Variants in SEMA6D observed in about 807,000 individuals in gnomAD.
The protein encoded by SEMA6D is semaphorin 6D.
In SEMA6D, 35 loss-of-function variants were observed where a neutral mutation model predicts 106.6. The ratio of observed to expected loss-of-function variants is 0.33; its 90% CI spans 0.25 to 0.44. The LOEUF (loss-of-function observed/expected upper bound fraction) is 0.44, where lower values mean the gene tolerates loss of function less well. Ranked by LOEUF, SEMA6D falls within the 20% of genes least tolerant of loss-of-function variation. The pLI, the probability that SEMA6D is intolerant of heterozygous loss-of-function variation, is 1.00. For synonymous variants in SEMA6D, 499 were observed against 487.7 expected, an observed-to-expected ratio of 1.02 and a Z score of -0.31; for missense variants, 1,185 against 1,345.9, an observed-to-expected ratio of 0.88 and a Z score of 1.87.
At chr15:47,381,448 A>T (rs907743796) in intron 1 of SEMA6D, among the ~76,000 whole-genome samples, 1 of 152,198 alleles carries the variant, frequency 6.6e-6, no homozygotes, top group African/African-American at 2.4e-5. Context: ...CGCCTATAGC[A>T]TAGTTCCTGA....
intron 4 of SEMA6D, among the ~76,000 whole-genome samples, chr15:47,670,671 T>A (rs2078119548): frequency 1.3e-5 from 2 of 152,216 alleles, no homozygotes; most frequent in African/African-American, 4.8e-5. Context: ...GAATTTCCAG[T>A]GCCTTTTCCC....
intron 1 of SEMA6D, among the ~76,000 whole-genome samples, chr15:47,238,835 A>G (rs757398761): frequency 6.6e-6 from 1 of 152,156 alleles, no homozygotes; most frequent in Non-Finnish European, 1.5e-5. Context: ...ATTTCAAGCA[A>G]CAGGGAAGGT....
intron 1 of SEMA6D, among the ~76,000 whole-genome samples, chr15:47,302,670 T>G (rs959365477): frequency 6.6e-6 from 1 of 151,960 alleles, no homozygotes; most frequent in Non-Finnish European, 1.5e-5. Context: ...GCTAGAGAGA[T>G]ACAGTAGGAG....
At chr15:47,479,978 A>G (rs1472013415) in intron 3 of SEMA6D, among the ~76,000 whole-genome samples, 1 of 145,830 alleles carries the variant, frequency 6.9e-6, no homozygotes, top group Non-Finnish European at 1.5e-5. Flanking sequence ...CAATCCTCCC[A>G]CCTCAGCCTT....
At chr15:47,702,526 C>T (rs2078832668) in intron 4 of SEMA6D, among the ~76,000 whole-genome samples, 1 of 152,194 alleles carries the variant, frequency 6.6e-6, no homozygotes, top group East Asian at 1.9e-4. Context: ...AGTATTTACC[C>T]AGAGGAGCTG....
At chr15:47,761,122 G>T (rs772461994) in intron 4 of SEMA6D, 36 bp from the exon 5 acceptor site, 6 of 1,612,856 alleles carry the variant, frequency 3.7e-6, no homozygotes, top group Non-Finnish European at 8.5e-7. Flanking sequence ...AATGTTCGCA[G>T]TTAAAAACTG....
intron 1 of SEMA6D, among the ~76,000 whole-genome samples, chr15:47,374,197 A>T (rs1404014554): frequency 6.6e-6 from 1 of 152,224 alleles, no homozygotes. Context: ...AAGAGTATTA[A>T]GCTAAGGAAC....
chr15:47,291,320 C>G (rs2035583661), intron 1 of SEMA6D, among the ~76,000 whole-genome samples: 1 of 152,134 alleles, frequency 6.6e-6, no homozygotes, highest in Admixed American at 6.5e-5. Context: ...TTGGCTGATG[C>G]CTGAGGTTGT....
rs535448358 is a variant in SEMA6D at position 47,470,168 on chromosome 15, A to G, written c.-158-306A>G. Among the ~76,000 whole-genome samples, 5 of 152,308 alleles carry G rather than the reference A, an allele frequency of 3.3e-5. No individual in the cohort carries two copies. In the East Asian group the frequency reaches 9.7e-4, roughly 29 times the overall value. On this transcript the variant is annotated intron_variant, in intron 2 of 19. Coordinates refer to the SEMA6D transcript ENST00000558014. ...AATTGTAATTATTGGAAAGGAAATA[A>G]CTTTGCTACGGTGTGCCTTGGTGTT...
chr15:47,456,694 A>G (rs1269420465), intron 2 of SEMA6D, among the ~76,000 whole-genome samples: 1 of 152,034 alleles, frequency 6.6e-6, no homozygotes, highest in Non-Finnish European at 1.5e-5. Context: ...GCAAATAGTA[A>G]TATCTGATAG....
chr15:47,201,687 C>G (rs1894736107), intron 1 of SEMA6D, among the ~76,000 whole-genome samples: 1 of 152,056 alleles, frequency 6.6e-6, no homozygotes, highest in Non-Finnish European at 1.5e-5. Context: ...TTAACCATAC[C>G]TTTTACTTAA....
chr15:47,329,072 T>C (rs1388551045), intron 1 of SEMA6D, among the ~76,000 whole-genome samples: 1 of 152,212 alleles, frequency 6.6e-6, no homozygotes, highest in Non-Finnish European at 1.5e-5. Context: ...GTTTGAGAAC[T>C]TAAAATGTGC....
At chr15:47,430,786 A>G (rs1353981328) in intron 2 of SEMA6D, among the ~76,000 whole-genome samples, 1 of 152,058 alleles carries the variant, frequency 6.6e-6, no homozygotes, top group African/African-American at 2.4e-5. Context: ...GTCAAATGCT[A>G]CCACCCCTCC....
intron 1 of SEMA6D, among the ~76,000 whole-genome samples, chr15:47,326,599 G>C (rs552669275): frequency 6.6e-6 from 1 of 152,152 alleles, no homozygotes; most frequent in African/African-American, 2.4e-5. Context: ...CAATGTTGCC[G>C]TGCGAACCTT....
intron 4 of SEMA6D, among the ~76,000 whole-genome samples, chr15:47,624,685 C>G (rs762925009): frequency 6.6e-6 from 1 of 152,060 alleles, no homozygotes; most frequent in Non-Finnish European, 1.5e-5. Flanking sequence ...GATAACTAAC[C>G]ATGAGATAAA....
chr15:47,768,691 G>GT lies in SEMA6D; in HGVS notation c.1878dup (p.Gln627SerfsTer3). ...ACTGACAAGCTCTCGGAAATTTGTAGTTCAAGATGATCCAAACACTTCTGA... is the reference window on the plus strand; with the variant it reads ...ACTGACAAGCTCTCGGAAATTTGTAGTTTCAAGATGATCCAAACACTTCTGA... On this transcript the variant is annotated frameshift_variant, in exon 18 of 19. Transcript: ENST00000536845. LOFTEE classifies it high-confidence loss of function. The GT allele has an allele frequency of 6.2e-7, 1 of 1,613,686 alleles. No homozygotes were observed. Among genetic ancestry groups the GT allele is most frequent in the Non-Finnish European group, 8.5e-7 (1 of 1,179,680 alleles).
At chr15:47,254,943 A>G (rs191149091) in intron 1 of SEMA6D, among the ~76,000 whole-genome samples, 33 of 138,524 alleles carry the variant, frequency 2.4e-4, no homozygotes, top group Non-Finnish European at 4.3e-4. Flanking sequence ...TACCAGTGTA[A>G]TGCTAGCCTT....
intron 1 of SEMA6D, among the ~76,000 whole-genome samples, chr15:47,379,666 A>G (rs1429753911): frequency 6.6e-6 from 1 of 152,240 alleles, no homozygotes; most frequent in Non-Finnish European, 1.5e-5. Context: ...AACATTGGAG[A>G]GGAATTTTTA....
chr15:47,749,528 C>G (rs1030429615), intron 1 of SEMA6D, among the ~76,000 whole-genome samples: 4 of 152,112 alleles, frequency 2.6e-5, no homozygotes, highest in Non-Finnish European at 4.4e-5. Context: ...GTAACATGCC[C>G]AAAGTCACAT....
Sources: allele counts gnomAD v4.1 joint callset (sites outside exome capture counted in the v4.1 genomes callset), GRCh38; gene constraint gnomAD v4.1.1; transcripts MANE v1.5; gene names NCBI Gene and HGNC (gene_info 2026-07-23, HGNC 2026-07-21).